The following NDFIP2 variants were observed in gnomAD, a reference collection of about 807,000 sequenced individuals.
NDFIP2 encodes the protein Nedd4 family interacting protein 2, also known as NEDD4 family-interacting protein 2.
In NDFIP2, 19 loss-of-function variants were observed where a neutral mutation model predicts 36.0. That is an observed-to-expected ratio of 0.53 (90% CI 0.37 to 0.77). NDFIP2 has a LOEUF of 0.77. Ranked by LOEUF, NDFIP2 falls within the 30% of genes least tolerant of loss-of-function variation. The pLI is 0.00. For synonymous variants in NDFIP2, 181 were observed against 167.7 expected, an observed-to-expected ratio of 1.08 and a Z score of -0.61; for missense variants, 446 against 435.8, an observed-to-expected ratio of 1.02 and a Z score of -0.21.
At chr13:79,493,045 C>G (rs989654758) in intron 1 of NDFIP2, among the ~76,000 whole-genome samples, 30 of 152,202 alleles carry the variant, frequency 2.0e-4, no homozygotes, top group Admixed American at 1.2e-3. Context: ...ACTGTGTGCA[C>G]TTATCCTTGT....
chr13:79,507,038 A>G (rs1159026395), intron 1 of NDFIP2, among the ~76,000 whole-genome samples: 1 of 152,150 alleles, frequency 6.6e-6, no homozygotes, highest in Non-Finnish European at 1.5e-5. Context: ...AATCCCTGCC[A>G]TGAAAGATGA....
At chr13:79,508,333 C>T (rs915540681) in intron 1 of NDFIP2, among the ~76,000 whole-genome samples, 21 of 152,110 alleles carry the variant, frequency 1.4e-4, no homozygotes, top group African/African-American at 7.2e-5. Flanking sequence ...GATCAGAGAG[C>T]GTTCTTAGAT....
chr13:79,513,803 G>A (rs886098594), intron 1 of NDFIP2, among the ~76,000 whole-genome samples: 1 of 151,576 alleles, frequency 6.6e-6, no homozygotes, highest in African/African-American at 2.4e-5. Context: ...AGTCATAATT[G>A]TAGGACAGAT....
At chr13:79,539,921 A>G in intron 4 of NDFIP2, 146 bp downstream of exon 4, 2 of 627,856 alleles carry the variant, frequency 3.2e-6, no homozygotes, top group South Asian at 4.0e-5. Context: ...GGACTAATGA[A>G]TACTGTGATC....
intron 1 of NDFIP2, among the ~76,000 whole-genome samples, chr13:79,484,343 C>G (rs1450844343): frequency 2.0e-5 from 3 of 152,052 alleles, no homozygotes; most frequent in Non-Finnish European, 4.4e-5. Context: ...GGATTATGTA[C>G]CTGTACCAAG....
At chr13:79,552,229 G>T (rs1292643873) in intron 7 of NDFIP2, among the ~76,000 whole-genome samples, 1 of 151,190 alleles carries the variant, frequency 6.6e-6, no homozygotes, top group Admixed American at 6.6e-5. Flanking sequence ...TTAAGAATTT[G>T]TCAGTATTAA....
Position 79,528,199 on chromosome 13 carries a change from G to A in NDFIP2, c.488-5124G>A, listed in dbSNP as rs77947803. Among the ~76,000 whole-genome samples, 619 of 152,184 alleles carry A rather than the reference G, an allele frequency of 4.1e-3. 7 individuals are homozygous for A. The East Asian group carries it at 0.042, about 10-fold the overall frequency. On this transcript the variant is annotated intron_variant, in intron 2 of 7. Coordinates refer to ENST00000218652, the MANE Select transcript of NDFIP2 (RefSeq NM_019080.3). ...TGATTGAGACTGGGAAGTTGAGGCTGAAGTGAGCTATGTGCCACTGCACTC... is the reference window on the plus strand; with the variant it reads ...TGATTGAGACTGGGAAGTTGAGGCTAAAGTGAGCTATGTGCCACTGCACTC...
At position 79,498,049 on chromosome 13, in the gene NDFIP2, G is replaced by T. The variant is rs562253371; in HGVS notation, c.321+16525G>T. Among the ~76,000 whole-genome samples, 10 of 151,984 alleles carry T rather than the reference G, an allele frequency of 6.6e-5. No individual in the cohort carries two copies. The South Asian group carries it at 1.2e-3, about 19-fold the overall frequency. ...TGTGTGTATGCGTGTGTTTGAGTGT[G>T]TGCATTCAAATCAGCATTACAAATA... On this transcript the variant is annotated intron_variant, in intron 1 of 7. Transcript: ENST00000218652.
intron 4 of NDFIP2, among the ~76,000 whole-genome samples, chr13:79,542,487 G>T (rs577959212): frequency 2.0e-5 from 3 of 148,626 alleles, no homozygotes; most frequent in East Asian, 3.9e-4. Context: ...GGTGTTGATG[G>T]TTTTTTTGTG....
chr13:79,545,786 G>A (rs113273550), intron 5 of NDFIP2, among the ~76,000 whole-genome samples: 2 of 152,134 alleles, frequency 1.3e-5, no homozygotes, highest in African/African-American at 4.8e-5. Flanking sequence ...GCCCAGGCTG[G>A]AGTGCAGTGG....
At chr13:79,499,248 A>G (rs778966862) in intron 1 of NDFIP2, among the ~76,000 whole-genome samples, 4 of 151,990 alleles carry the variant, frequency 2.6e-5, no homozygotes, top group Non-Finnish European at 5.9e-5. Flanking sequence ...AACATCTACT[A>G]AAAGCCTATA....
rs748764252 is a variant in NDFIP2, at chr13:79,553,096, A to G, written c.*583A>G. The G allele has an allele frequency of 6.6e-6, 1 of 151,818 alleles. No individual in the cohort carries two copies. Among genetic ancestry groups the G allele is most frequent in the African/African-American group, 2.4e-5 (1 of 41,392 alleles). The allele number at this position is 151,818 out of a possible 1,614,324, so 9.4% of individuals were successfully genotyped here. A position where few individuals can be genotyped will look rare whatever the true frequency, so the allele number is the denominator to read the frequency against. Reference sequence around the variant, plus strand: ...AGGAAAACTCTTCCTGTAAATAACCATGCATAACTTACTTTCTGCAATGTT... The same window carrying G: ...AGGAAAACTCTTCCTGTAAATAACCGTGCATAACTTACTTTCTGCAATGTT... On this transcript the variant is annotated 3_prime_UTR_variant, in exon 8 of 8. Coordinates refer to ENST00000218652, the MANE Select transcript of NDFIP2 (RefSeq NM_019080.3).
chr13:79,488,858 T>C (rs973625182), intron 1 of NDFIP2, among the ~76,000 whole-genome samples: 3 of 152,182 alleles, frequency 2.0e-5, no homozygotes, highest in Non-Finnish European at 2.9e-5. Flanking sequence ...ATAAATTCTA[T>C]CAATTATGAA....
chr13:79,513,386 A>G (rs1253316454), intron 1 of NDFIP2, among the ~76,000 whole-genome samples: 1 of 152,232 alleles, frequency 6.6e-6, no homozygotes, highest in African/African-American at 2.4e-5. Context: ...CACAAACTCA[A>G]GTTAGTTGCC....
At chr13:79,524,259 G>T (rs190060674) in intron 2 of NDFIP2, among the ~76,000 whole-genome samples, 156 of 152,190 alleles carry the variant, frequency 1.0e-3, no homozygotes, top group Admixed American at 3.5e-3. Flanking sequence ...AACTTGTCTT[G>T]CTGTGTGATT....
At chr13:79,540,216 C>G (rs1226251199) in intron 4 of NDFIP2, among the ~76,000 whole-genome samples, 1 of 152,124 alleles carries the variant, frequency 6.6e-6, no homozygotes, top group Non-Finnish European at 1.5e-5. Flanking sequence ...AACAGTGTCA[C>G]TTGGGACAGA....
chr13:79,527,858 T>C (rs1245812303), intron 2 of NDFIP2, among the ~76,000 whole-genome samples: 1 of 152,188 alleles, frequency 6.6e-6, no homozygotes, highest in East Asian at 1.9e-4. Flanking sequence ...ATGTGTGTTA[T>C]TGCCCTTGAC....
chr13:79,551,821 T>C (rs1490750413), intron 7 of NDFIP2, among the ~76,000 whole-genome samples: 2 of 151,336 alleles, frequency 1.3e-5, no homozygotes, highest in Non-Finnish European at 3.0e-5. Flanking sequence ...AACCTCATAC[T>C]CCCTATTCTA....
intron 2 of NDFIP2, among the ~76,000 whole-genome samples, chr13:79,524,854 C>T (rs2760106): frequency 5.3e-5 from 8 of 151,954 alleles, no homozygotes; most frequent in African/African-American, 1.4e-4. Context: ...TGTCACCACA[C>T]GGTACCTGAG....
Sources: gnomAD v4.1 joint callset for allele counts (sites outside exome capture counted in the v4.1 genomes callset) on GRCh38, gnomAD v4.1.1 for gene constraint, MANE v1.5 for transcripts, NCBI Gene and HGNC (gene_info 2026-07-23, HGNC 2026-07-21) for gene names.